FAM163B: variants seen among roughly 807,000 people sequenced by gnomAD.
FAM163B encodes the protein protein FAM163B.
A neutral mutation model predicts 7.6 loss-of-function variants in FAM163B; 4 were observed. That is an observed-to-expected ratio of 0.52 (90% CI 0.26 to 1.20). The LOEUF is 1.20. Among genes scored for constraint, FAM163B ranks in the 50% most tolerant of loss-of-function variants. The pLI, the probability that FAM163B is intolerant of heterozygous loss-of-function variation, is 0.14. For missense variants in FAM163B, 250 were observed against 243.0 expected (o/e 1.03, Z -0.19); for synonymous variants, 120 against 111.6 (o/e 1.07, Z -0.47).
chr9:133,589,780 A>G (rs1831509364), intron 1 of FAM163B, among the ~76,000 whole-genome samples: 1 of 152,118 alleles, frequency 6.6e-6, no homozygotes, highest in Non-Finnish European at 1.5e-5. Flanking sequence ...GGGGGCGGGA[A>G]CAGCAGCACA....
At chr9:133,581,250 A>G (rs1166044634) in intron 1 of FAM163B, among the ~76,000 whole-genome samples, 12 of 152,286 alleles carry the variant, frequency 7.9e-5, no homozygotes, top group African/African-American at 1.7e-4. Flanking sequence ...TACCATGGCC[A>G]GTTTCAGTTC....
intron 1 of FAM163B, among the ~76,000 whole-genome samples, chr9:133,604,266 C>T (rs1183688890): frequency 6.6e-6 from 1 of 152,240 alleles, no homozygotes; most frequent in Admixed American, 6.5e-5. Context: ...GGATGGCCTA[C>T]ATGACTGTTT....
At chr9:133,604,380 G>A (rs909227865) in intron 1 of FAM163B, among the ~76,000 whole-genome samples, 5 of 152,030 alleles carry the variant, frequency 3.3e-5, no homozygotes, top group African/African-American at 9.7e-5. Context: ...CACACAGACT[G>A]GTCTCTCGGT....
At chr9:133,607,386 G>A (rs895768805) in intron 1 of FAM163B, among the ~76,000 whole-genome samples, 20 of 152,222 alleles carry the variant, frequency 1.3e-4, no homozygotes, top group Non-Finnish European at 2.5e-4. Context: ...GGGGACTCCA[G>A]CCTCAAGGGT....
intron 1 of FAM163B, among the ~76,000 whole-genome samples, chr9:133,585,714 C>A (rs749886649): frequency 6.6e-6 from 1 of 152,236 alleles, no homozygotes; most frequent in Admixed American, 6.5e-5. Flanking sequence ...TGCAGCTGCA[C>A]GGGCCCTGCA....
chr9:133,596,859 T>C (rs978836753), intron 1 of FAM163B, among the ~76,000 whole-genome samples: 1 of 152,122 alleles, frequency 6.6e-6, no homozygotes, highest in African/African-American at 2.4e-5. Flanking sequence ...CAGGGAACAA[T>C]ATTTGAAGCT....
At chr9:133,597,227 A>G (rs1357876138) in intron 1 of FAM163B, among the ~76,000 whole-genome samples, 1 of 152,250 alleles carries the variant, frequency 6.6e-6, no homozygotes, top group African/African-American at 2.4e-5. Flanking sequence ...TATTAACTGT[A>G]GCTTATATGT....
At chr9:133,586,046 T>G (rs540418394) in intron 1 of FAM163B, 2 of 152,402 alleles carry the variant, frequency 1.3e-5, no homozygotes, top group African/African-American at 4.8e-5. Flanking sequence ...CTAGACCTCC[T>G]GCACATTTGT....
Position 133,609,252 on chromosome 9 carries a change from C to T in FAM163B, c.-199G>A, listed in dbSNP as rs951543434. Among the ~76,000 whole-genome samples the T allele has an allele frequency of 2.7e-5, 4 of 150,858 alleles. No individual in the cohort carries two copies. The highest frequency in any genetic ancestry group is 7.3e-5 in the African/African-American group (3 of 41,316). On this transcript the variant is annotated 5_prime_UTR_variant, in exon 1 of 3. Transcript: ENST00000673969. ...GGCGGGCGCTGAGAAGCCCGGGAGGCCCCCGGGGAGGCGACTGCGTGCCCA... is the reference window on the plus strand; with the variant it reads ...GGCGGGCGCTGAGAAGCCCGGGAGGTCCCCGGGGAGGCGACTGCGTGCCCA...
rs1298926765 is a variant in FAM163B, at chr9:133,580,236, C to T, written c.-13G>A. The T allele has an allele frequency of 6.2e-7, 1 of 1,610,406 alleles. No homozygotes were observed. Among genetic ancestry groups the T allele is most frequent in the Admixed American group, 1.7e-5 (1 of 59,964 alleles). ...TCCCGGCTGTCATCCGCCCCCTTCT[C>T]CATCAACAGCCTGCAACACACGCCG... On this transcript the variant is annotated 5_prime_UTR_variant, in exon 2 of 3. Transcript: ENST00000673969.
intron 1 of FAM163B, among the ~76,000 whole-genome samples, chr9:133,593,150 C>T (rs1831580252): frequency 6.6e-6 from 1 of 152,188 alleles, no homozygotes; most frequent in South Asian, 2.1e-4. Context: ...AAGGTTTCCC[C>T]CCCTGTATCG....
rs779075720 is a variant in FAM163B, at chr9:133,601,412, T to C, written c.-24+7665A>G. On this transcript the variant is annotated intron_variant, in intron 1 of 2. Coordinates refer to ENST00000673969, the MANE Select transcript of FAM163B (RefSeq NM_001080515.3). The surrounding 1 kb of genome is among the most constrained non-coding windows in gnomAD (Gnocchi z 4.1). Reference sequence around the variant, plus strand: ...GAGTGGAGGTGTGCTGTTGAAAGGGTCTGTCTTGCAGGTGAGAGGATTTTT... The same window carrying C: ...GAGTGGAGGTGTGCTGTTGAAAGGGCCTGTCTTGCAGGTGAGAGGATTTTT... Among the ~76,000 whole-genome samples the C allele has an allele frequency of 6.6e-6, 1 of 152,182 alleles. No individual in the cohort carries two copies. The highest frequency in any genetic ancestry group is 1.5e-5 in the Non-Finnish European group (1 of 68,036).
At chr9:133,586,424 C>T (rs1268491415) in intron 1 of FAM163B, among the ~76,000 whole-genome samples, 1 of 152,186 alleles carries the variant, frequency 6.6e-6, no homozygotes, top group Non-Finnish European at 1.5e-5. Context: ...CTGGAAAACT[C>T]GTTCGTGCCC....
chr9:133,605,413 C>A lies in FAM163B; in HGVS notation c.-24+3664G>T, dbSNP rs1273275618. Among the ~76,000 whole-genome samples the A allele has an allele frequency of 5.2e-4, 79 of 152,186 alleles. 1 individual carries two copies. The highest frequency in any genetic ancestry group is 4.4e-5 in the Non-Finnish European group (3 of 68,020). ...GGGAATGTGGTGGACGAGGTGGCAG[C>A]CCTGGGAGCCTGGTTTGTTTTGGGG... is the stretch of plus-strand genomic sequence containing the variant. On this transcript the variant is annotated intron_variant, in intron 1 of 2. Coordinates refer to ENST00000673969, the MANE Select transcript of FAM163B (RefSeq NM_001080515.3).
chr9:133,582,276 T>C (rs2131217748), intron 1 of FAM163B, among the ~76,000 whole-genome samples: 1 of 152,392 alleles, frequency 6.6e-6, no homozygotes, highest in Admixed American at 6.5e-5. Context: ...CTTGCCTTTC[T>C]ACGTGGAAAC....
intron 1 of FAM163B, among the ~76,000 whole-genome samples, chr9:133,598,690 T>C (rs12379644): frequency 0.78 from 119,286 of 152,052 alleles, 47,589 homozygotes; most frequent in African/African-American, 0.93. Context: ...TCATGCTCCT[T>C]GGCACACTGT....
intron 1 of FAM163B, among the ~76,000 whole-genome samples, chr9:133,582,229 C>T (rs1039523981): frequency 2.9e-3 from 442 of 152,314 alleles, no homozygotes; most frequent in Non-Finnish European, 4.5e-3. Context: ...TTGCAGGCCC[C>T]GCGTGCCTAC....
At position 133,590,059 on chromosome 9, in the gene FAM163B, T is replaced by TCCCTTC. The variant is rs759489285; in HGVS notation, c.-23-9819_-23-9814dup. 3.0e-4 allele frequency among the ~76,000 whole-genome samples: 7 copies of TCCCTTC among 23,268 alleles called. 2 individuals carry two copies. The highest frequency in any genetic ancestry group is 1.5e-3 in the African/African-American group (7 of 4,572). The allele number at this position is 23,268 out of a possible 152,430, so 15.3% of individuals were successfully genotyped here. On this transcript the variant is annotated intron_variant, in intron 1 of 2. Coordinates refer to ENST00000673969, the MANE Select transcript of FAM163B (RefSeq NM_001080515.3). ...TAAGTTCCCTTCCCTTCCCTTCCCT[T>TCCCTTC]CCCTTCCCCTTCCCTTCCCCTTCCC... is the stretch of plus-strand genomic sequence containing the variant.
chr9:133,579,311 G>A lies in FAM163B; in HGVS notation c.212C>T (p.Ala71Val), dbSNP rs1291969735. The A allele has an allele frequency of 1.6e-5, 26 of 1,613,472 alleles. No homozygotes were observed. The highest frequency in any genetic ancestry group is 1.7e-4 in the Middle Eastern group (1 of 6,006). The part of the protein sequence containing the change: ...NRNLVLTNGP[A>V]LYPTASTSFS... ...GGAGGTGGAGGCGGTGGGGTAGAGC[G>A]CCGGCCCGTTGGTCAGCACCAGGTT... The change falls in exon 3 of 3, where the codon GCG becomes GTG. Residue 71 changes from alanine to valine, a missense_variant. Physicochemically the swap from Ala to Val is moderately conservative, Grantham distance 64. Transcript: ENST00000673969.
Sources: allele counts gnomAD v4.1 joint callset (sites outside exome capture counted in the v4.1 genomes callset), GRCh38; gene constraint gnomAD v4.1.1; non-coding constraint Gnocchi (gnomAD v3.1); transcripts MANE v1.5; gene names NCBI Gene and HGNC (gene_info 2026-07-23, HGNC 2026-07-21).